LRRK1: variants seen among roughly 807,000 people sequenced by gnomAD.
LRRK1 encodes the protein leucine-rich repeat serine/threonine-protein kinase 1.
A neutral mutation model predicts 209.1 loss-of-function variants in LRRK1; 113 were observed. The observed-to-expected ratio is 0.54, with a 90% CI of 0.46 to 0.63. LRRK1 has a LOEUF of 0.63. LRRK1 is among the 30% of genes least tolerant of loss of function. The pLI is 0.00. For missense variants in LRRK1, 2,284 were observed against 2,632.2 expected, an observed-to-expected ratio of 0.87 and a Z score of 2.89; for synonymous variants, 1,144 against 1,099.7, an observed-to-expected ratio of 1.04 and a Z score of -0.80.
chr15:101,026,280 C>A, intron 17 of LRRK1, 143 bp downstream of exon 17: 1 of 795,240 alleles, frequency 1.3e-6, no homozygotes, highest in Non-Finnish European at 2.0e-6. Flanking sequence ...ACAGAGCTGA[C>A]CCAGCCTTGG....
chr15:101,016,303 T>G (rs1247068043), intron 12 of LRRK1, among the ~76,000 whole-genome samples: 1 of 144,686 alleles, frequency 6.9e-6, no homozygotes, highest in African/African-American at 2.6e-5. Context: ...TGTATTTTAA[T>G]ACAATACAGG....
chr15:100,990,720 GT>G (rs34973825), intron 6 of LRRK1, among the ~76,000 whole-genome samples: 158 of 138,680 alleles, frequency 1.1e-3, no homozygotes, highest in South Asian at 1.1e-3. Flanking sequence ...ACTTTGGAGG[GT>G]TTTTTTTTTT....
chr15:101,008,551 G>T (rs1236445040), intron 6 of LRRK1, among the ~76,000 whole-genome samples: 1 of 152,102 alleles, frequency 6.6e-6, no homozygotes, highest in Non-Finnish European at 1.5e-5. Flanking sequence ...TTGAGGGGCG[G>T]CACTGAGCCC....
At chr15:101,062,926 C>G (rs1196032387) in intron 31 of LRRK1, among the ~76,000 whole-genome samples, 1 of 152,154 alleles carries the variant, frequency 6.6e-6, no homozygotes, top group Non-Finnish European at 1.5e-5. Context: ...AATGAAAAAC[C>G]CCCTTTCACA....
Position 100,935,512 on chromosome 15 carries a change from G to A in LRRK1, c.97+10783G>A, listed in dbSNP as rs28655854. Among the ~76,000 whole-genome samples the A allele has an allele frequency of 2.5e-3, 374 of 152,278 alleles. 7 individuals carry two copies. Among genetic ancestry groups the A allele is most frequent in the African/African-American group, 8.3e-3 (346 of 41,556 alleles). ...GAGGTAAAGCCTTCACAGCAGGAGT[G>A]TAGATTTTGTTCCAAGGCTGATGGA... On this transcript the variant is annotated intron_variant, in intron 2 of 33. Transcript: ENST00000388948.
rs996103849 is a variant in LRRK1 at position 101,024,938 on chromosome 15, A to C, written c.2203A>C (p.Asn735His). The change falls in exon 16 of 34, where the codon AAC (asparagine) becomes CAC (histidine). Residue 735 changes from asparagine to histidine, a missense_variant. Asn to His is a moderately conservative substitution (Grantham distance 68, BLOSUM62 1). Transcript: ENST00000388948. This position sits in a 1 kb window ranked among gnomAD's most constrained non-coding sequence, Gnocchi z 4.6. ...NLALGEEAVA[N>H]LQFWLLNIEA... Reference sequence around the variant, plus strand: ...GGCGCTGGGGGAGGAGGCCGTGGCCAACCTCCAGTTCTGGCTGCTCAACAT... The same window carrying C: ...GGCGCTGGGGGAGGAGGCCGTGGCCCACCTCCAGTTCTGGCTGCTCAACAT... 1.2e-6 allele frequency: 2 copies of C among 1,613,960 alleles called. No individual in the cohort carries two copies. Among genetic ancestry groups the C allele is most frequent in the South Asian group, 1.1e-5 (1 of 91,086 alleles).
chr15:101,044,451 G>A (rs1162544834), intron 20 of LRRK1, among the ~76,000 whole-genome samples: 2 of 152,300 alleles, frequency 1.3e-5, no homozygotes, highest in East Asian at 1.9e-4. Context: ...CTGTCCTGCC[G>A]ACTCACTGGT....
intron 9 of LRRK1, among the ~76,000 whole-genome samples, chr15:101,011,211 G>T (rs1176780611): frequency 1.3e-5 from 2 of 152,018 alleles, no homozygotes; most frequent in Non-Finnish European, 2.9e-5. Flanking sequence ...GCTCATGCCT[G>T]TAATCCCAGC....
intron 3 of LRRK1, among the ~76,000 whole-genome samples, chr15:100,981,080 G>C (rs560932478): frequency 6.6e-6 from 1 of 152,220 alleles, no homozygotes; most frequent in African/African-American, 2.4e-5. Context: ...GCGACTGGGA[G>C]GTAAAGGCAT....
intron 2 of LRRK1, among the ~76,000 whole-genome samples, chr15:100,944,810 A>G (rs1476548693): frequency 6.6e-6 from 1 of 152,218 alleles, no homozygotes; most frequent in Non-Finnish European, 1.5e-5. Context: ...TTGTTTGAAA[A>G]TGTCATACGG....
At chr15:100,929,280 C>T (rs945697162) in intron 2 of LRRK1, among the ~76,000 whole-genome samples, 1 of 152,100 alleles carries the variant, frequency 6.6e-6, no homozygotes, top group African/African-American at 2.4e-5. Flanking sequence ...CTCGCCCCCC[C>T]AGCTCTCTGT....
chr15:101,004,369 C>A (rs1285942582), intron 6 of LRRK1, among the ~76,000 whole-genome samples: 1 of 151,968 alleles, frequency 6.6e-6, no homozygotes, highest in African/African-American at 2.4e-5. Flanking sequence ...AGGTCTTGCG[C>A]AGACTTTGAT....
intron 2 of LRRK1, among the ~76,000 whole-genome samples, chr15:100,934,799 T>G (rs2042269324): frequency 1.2e-5 from 1 of 82,480 alleles, no homozygotes. Context: ...CAAGAAACTG[T>G]CTCAAAAAAA....
Position 101,069,555 on chromosome 15 carries a change from AC to A in LRRK1, c.*709del, listed in dbSNP as rs1430337975. 1 of 152,626 alleles carries A rather than the reference AC, an allele frequency of 6.6e-6. No individual in the cohort carries two copies. Among genetic ancestry groups the A allele is most frequent in the Admixed American group, 6.5e-5 (1 of 15,284 alleles). The allele number at this position is 152,626 out of a possible 1,614,324, so 9.5% of individuals were successfully genotyped here. On this transcript the variant is annotated 3_prime_UTR_variant, in exon 34 of 34. Coordinates refer to ENST00000388948, the MANE Select transcript of LRRK1 (RefSeq NM_024652.6). Reference sequence around the variant, plus strand: ...CCGCTTAGCCTTTACATTCCTCTCCACCGACAAAAGGAAGGGGAAACTCAAT... The same window carrying A: ...CCGCTTAGCCTTTACATTCCTCTCCACGACAAAAGGAAGGGGAAACTCAAT...
chr15:100,959,480 G>A (rs1345217394), intron 2 of LRRK1, among the ~76,000 whole-genome samples: 1 of 152,202 alleles, frequency 6.6e-6, no homozygotes, highest in African/African-American at 2.4e-5. Context: ...CGCTAGGCTA[G>A]AAGGAGGAGA....
At chr15:101,006,372 T>TAAAAAA (rs56053663) in intron 6 of LRRK1, among the ~76,000 whole-genome samples, 9 of 114,406 alleles carry the variant, frequency 7.9e-5, no homozygotes, top group Non-Finnish European at 1.3e-4. Context: ...GACAATGTGA[T>TAAAAAA]AAAAAAAAAA....
intron 23 of LRRK1, 132 bp from the exon 24 acceptor site, chr15:101,051,579 C>T (rs13329684): frequency 0.16 from 188,140 of 1,190,520 alleles, 15,863 homozygotes; most frequent in African/African-American, 0.26. Flanking sequence ...TTCAGCCTGT[C>T]TCTTGGGTAC....
chr15:101,031,151 A>G (rs555461352), intron 20 of LRRK1, among the ~76,000 whole-genome samples: 17 of 152,316 alleles, frequency 1.1e-4, no homozygotes, highest in African/African-American at 4.1e-4. Flanking sequence ...AAATGCCCGG[A>G]TCGCTAGTGT....
chr15:101,044,410 T>G (rs1314644162), intron 20 of LRRK1, among the ~76,000 whole-genome samples: 1 of 152,206 alleles, frequency 6.6e-6, no homozygotes, highest in Non-Finnish European at 1.5e-5. Flanking sequence ...TTTACGTTCA[T>G]CAAACACATG....
Sources: allele counts gnomAD v4.1 joint callset (sites outside exome capture counted in the v4.1 genomes callset), GRCh38; gene constraint gnomAD v4.1.1; non-coding constraint Gnocchi (gnomAD v3.1); transcripts MANE v1.5; gene names NCBI Gene and HGNC (gene_info 2026-07-23, HGNC 2026-07-21).